Variants in GLI3 observed in about 807,000 individuals in gnomAD.
The protein encoded by GLI3 is GLI family zinc finger 3.
A neutral mutation model predicts 100.8 loss-of-function variants in GLI3; 20 were observed. The ratio of observed to expected loss-of-function variants is 0.20; its 90% confidence interval spans 0.14 to 0.29. The LOEUF (loss-of-function observed/expected upper bound fraction) is 0.29. GLI3 is among the 10% of genes least tolerant of loss of function. GLI3 has a pLI of 1.00. For synonymous variants in GLI3, 938 were observed against 860.5 expected (o/e 1.09, Z -1.58); for missense variants, 2,040 against 2,128.5 (o/e 0.96, Z 0.82).
chr7:42,061,006 T>C (rs1302378219), intron 4 of GLI3, among the ~76,000 whole-genome samples: 1 of 152,188 alleles, frequency 6.6e-6, no homozygotes, highest in African/African-American at 2.4e-5. Context: ...ATCATTTACA[T>C]GGAAATCTCA....
intron 2 of GLI3, among the ~76,000 whole-genome samples, chr7:42,199,613 T>A (rs1303067306): frequency 6.6e-6 from 1 of 152,226 alleles, no homozygotes; most frequent in East Asian, 1.9e-4. Flanking sequence ...TGTATGTGTG[T>A]GAGCACACGT....
intron 1 of GLI3, among the ~76,000 whole-genome samples, chr7:42,233,513 C>T (rs767559368): frequency 7.2e-5 from 11 of 152,160 alleles, no homozygotes; most frequent in South Asian, 2.1e-4. Context: ...TGCTGCTTGG[C>T]GTTACTGCTC....
chr7:42,127,184 T>C (rs941172312), intron 3 of GLI3, among the ~76,000 whole-genome samples: 3 of 152,246 alleles, frequency 2.0e-5, no homozygotes, highest in Non-Finnish European at 4.4e-5. Flanking sequence ...CAAGCCTTTT[T>C]AACTTCGGCC....
intron 5 of GLI3, 83 bp downstream of exon 5, chr7:42,048,408 C>T: frequency 1.1e-6 from 1 of 919,768 alleles, no homozygotes; most frequent in Non-Finnish European, 1.8e-6. Context: ...CACTAAACAT[C>T]AGGTCTACTT....
At chr7:42,255,190 T>C (rs1051361184) in intron 1 of GLI3, among the ~76,000 whole-genome samples, 2 of 152,126 alleles carry the variant, frequency 1.3e-5, no homozygotes, top group Non-Finnish European at 1.5e-5. Flanking sequence ...TACAAAATTA[T>C]GGTCTTCTTT....
intron 6 of GLI3, among the ~76,000 whole-genome samples, chr7:42,040,883 A>G (rs2128739082): frequency 6.6e-6 from 1 of 152,268 alleles, no homozygotes; most frequent in East Asian, 1.9e-4. Context: ...TTCGGGACTC[A>G]GCAGATGCTA....
chr7:42,145,317 A>T (rs917324289), intron 3 of GLI3: 2 of 367,714 alleles, frequency 5.4e-6, no homozygotes, highest in Non-Finnish European at 9.6e-6. Context: ...ATAATACTAT[A>T]TCTTTTATGT....
chr7:42,073,087 G>T (rs188320539), intron 4 of GLI3, among the ~76,000 whole-genome samples: 44 of 152,218 alleles, frequency 2.9e-4, no homozygotes, highest in Non-Finnish European at 4.9e-4. Flanking sequence ...CAACCTTTAC[G>T]TGACAACTCA....
rs190678494 is a variant in GLI3 at position 42,090,465 on chromosome 7, T to C, written c.368-13608A>G. Among the ~76,000 whole-genome samples, 299 of 152,340 alleles carry C rather than the reference T, an allele frequency of 2.0e-3. 1 individual carries two copies. Among genetic ancestry groups the C allele is most frequent in the South Asian group, 4.4e-3 (21 of 4,826 alleles). On this transcript the variant is annotated intron_variant, in intron 3 of 14. Transcript: ENST00000395925. ...CTTAGGCAGCACATGACTGTACCCATGTTTAAGAAGTCACCGTTCCTTCTA... is the reference window on the plus strand; with the variant it reads ...CTTAGGCAGCACATGACTGTACCCACGTTTAAGAAGTCACCGTTCCTTCTA...
At chr7:42,226,133 A>T (rs1788576235) in intron 1 of GLI3, among the ~76,000 whole-genome samples, 2 of 152,248 alleles carry the variant, frequency 1.3e-5, no homozygotes, top group Admixed American at 1.3e-4. Context: ...AGCCATTGGG[A>T]TAAGCAAGAA....
rs912436460 is a variant in GLI3 at position 42,087,691 on chromosome 7, C to T, written c.368-10834G>A. On this transcript the variant is annotated intron_variant, in intron 3 of 14. Coordinates refer to ENST00000395925, the MANE Select transcript of GLI3 (RefSeq NM_000168.6). ...AGCTCATGACAGAAATGACAGGGGC[C>T]CCTTTGCCCCCACCACCACCTACTT... is the stretch of plus-strand genomic sequence containing the variant. Among the ~76,000 whole-genome samples, 60 of 148,558 alleles carry T rather than the reference C, an allele frequency of 4.0e-4. 2 individuals carry two copies. Among genetic ancestry groups the T allele is most frequent in the South Asian group, 2.2e-4 (1 of 4,608 alleles).
chr7:41,963,136 C>T lies in GLI3; in HGVS notation c.*1194G>A, dbSNP rs1412497021. The T allele has an allele frequency of 6.6e-6, 1 of 152,194 alleles. No homozygotes were observed. Among genetic ancestry groups the T allele is most frequent in the African/African-American group, 2.4e-5 (1 of 41,436 alleles). The allele number at this position is 152,194 out of a possible 1,614,324, so 9.4% of individuals were successfully genotyped here. A position where few individuals can be genotyped will look rare whatever the true frequency, so the allele number is the denominator to read the frequency against. On this transcript the variant is annotated 3_prime_UTR_variant, in exon 15 of 15. Coordinates refer to ENST00000395925, the MANE Select transcript of GLI3 (RefSeq NM_000168.6). ...TCCACACAGCTACTAAACATCTTCC[C>T]TAGTGCTCTCAAATACTAAAAATGG...
At chr7:42,083,844 C>T (rs187348760) in intron 3 of GLI3, among the ~76,000 whole-genome samples, 344 of 152,076 alleles carry the variant, frequency 2.3e-3, no homozygotes, top group South Asian at 0.013. Context: ...TAGCAAAACC[C>T]GTAACAAGTA....
At chr7:42,197,721 G>C (rs934683663) in intron 2 of GLI3, among the ~76,000 whole-genome samples, 2 of 152,126 alleles carry the variant, frequency 1.3e-5, no homozygotes, top group South Asian at 2.1e-4. Context: ...AAGCAGTGTC[G>C]GGCTTAGCTA....
intron 3 of GLI3, among the ~76,000 whole-genome samples, chr7:42,141,030 A>G (rs3801201): frequency 0.055 from 8,402 of 152,224 alleles, 443 homozygotes; most frequent in African/African-American, 0.15. Context: ...AGAAAAGATA[A>G]ATAATTACAT....
In GLI3 at chr7:41,978,715, T is replaced by C; in HGVS notation, c.1531A>G (p.Lys511Glu). 1 of 1,613,994 alleles carries C rather than the reference T, an allele frequency of 6.2e-7. No homozygotes were observed. The highest frequency in any genetic ancestry group is 8.5e-7 in the Non-Finnish European group (1 of 1,179,838). Residue 511 changes from lysine to glutamate, a missense_variant, in exon 11 of 15, where the codon AAG becomes GAG. Transcript: ENST00000395925. ...TCCAGCCACCTGCACACGAACTCCT[T>C]CTTCTCTCCATGAATATGGTCGTTA... ...INNDHIHGEK[K>E]EFVCRWLDCS...
In GLI3 at chr7:42,073,307, C is replaced by T. The variant is rs148792801; in HGVS notation, c.473+3445G>A. On this transcript the variant is annotated intron_variant, in intron 4 of 14. Transcript: ENST00000395925. ...TAAGCAGGGCAAGCTGAAGGCATTC[C>T]GTTTAGCAAACTGGGTTCTTTAACA... Among the ~76,000 whole-genome samples the T allele has an allele frequency of 8.2e-3, 1,247 of 152,278 alleles. 8 individuals are homozygous for T. Among genetic ancestry groups the T allele is most frequent in the Middle Eastern group, 0.017 (5 of 294 alleles).
intron 2 of GLI3, among the ~76,000 whole-genome samples, chr7:42,184,768 T>C (rs1022183145): frequency 3.3e-5 from 5 of 152,020 alleles, no homozygotes; most frequent in African/African-American, 1.2e-4. Context: ...CCAGGAATTA[T>C]TAGATCAATA....
intron 4 of GLI3, among the ~76,000 whole-genome samples, chr7:42,063,716 T>C (rs1784618129): frequency 6.6e-6 from 1 of 152,194 alleles, no homozygotes; most frequent in Non-Finnish European, 1.5e-5. Flanking sequence ...GTCAAATACC[T>C]ATGCTGTGAC....
Sources: allele counts gnomAD v4.1 joint callset (sites outside exome capture counted in the v4.1 genomes callset), GRCh38; gene constraint gnomAD v4.1.1; transcripts MANE v1.5; gene names NCBI Gene and HGNC (gene_info 2026-07-23, HGNC 2026-07-21).